AHNAK: variants seen among roughly 807,000 people sequenced by gnomAD.
AHNAK encodes the protein AHNAK nucleoprotein, also known as neuroblast differentiation-associated protein AHNAK.
In AHNAK, 23 loss-of-function variants were observed where a neutral mutation model predicts 37.8. That is an observed-to-expected ratio of 0.61 (90% confidence interval 0.44 to 0.86). AHNAK has a LOEUF of 0.86. AHNAK is among the 40% of genes least tolerant of loss of function. The probability of loss-of-function intolerance (pLI) is 0.00; values close to 1 mark genes in which losing one functional copy is unlikely to be tolerated. For missense variants in AHNAK, 7,411 were observed against 7,319.4 expected, an observed-to-expected ratio of 1.01 and a Z score of -0.46; for synonymous variants, 2,481 against 2,636.3, an observed-to-expected ratio of 0.94 and a Z score of 1.80.
chr11:62,536,977 CAG>C, intron 1 of AHNAK, among the ~76,000 whole-genome samples: 1 of 150,028 alleles, frequency 6.7e-6, no homozygotes, highest in East Asian at 1.9e-4. Context: ...TTTTTTGAGA[CAG>C]AGTCTCGTTC....
chr11:62,504,036 C>T (rs1939761475), intron 4 of AHNAK, among the ~76,000 whole-genome samples: 1 of 151,988 alleles, frequency 6.6e-6, no homozygotes, highest in South Asian at 2.1e-4. Context: ...TGGTGCGCAC[C>T]TGTAATCCCA....
At position 62,535,998 on chromosome 11, in the gene AHNAK, A is replaced by C; in HGVS notation, c.101T>G (p.Val34Gly). The change falls in exon 3 of 5, where the codon GTG becomes GGG. Residue 34 changes from valine to glycine, a missense_variant. Physicochemically the swap from Val to Gly is moderately radical, Grantham distance 109. Transcript: ENST00000378024. ...TIAQRDDGVF[V>G]QEVTQNSPAA... ...AGGGGAGTTCTGCGTCACCTCCTGCACAAAGACGCCGTCGTCCCTCTGGGC... is the reference window on the plus strand; with the variant it reads ...AGGGGAGTTCTGCGTCACCTCCTGCCCAAAGACGCCGTCGTCCCTCTGGGC... 6.2e-7 allele frequency: 1 copy of C among 1,613,046 alleles called. No homozygotes were observed. The highest frequency in any genetic ancestry group is 8.5e-7 in the Non-Finnish European group (1 of 1,179,594).
chr11:62,475,830 C>T (rs980235510), intron 5 of AHNAK, among the ~76,000 whole-genome samples: 6 of 151,750 alleles, frequency 4.0e-5, no homozygotes, highest in African/African-American at 1.5e-4. Flanking sequence ...GTCTCGAGCT[C>T]CTGACCTCAG....
rs756539234 is a variant in AHNAK, at chr11:62,516,791, T to A, written c.17626A>T (p.Ile5876Phe). 1.2e-6 allele frequency: 2 copies of A among 1,613,798 alleles called. No individual in the cohort carries two copies. Among genetic ancestry groups the A allele is most frequent in the Non-Finnish European group, 1.7e-6 (2 of 1,179,880 alleles). Reference sequence around the variant, plus strand: ...GACAGCTCCACCTCGGGAAGCTGGATGCCAACCTTATTCCCACTGTCATTG... The same window carrying A: ...GACAGCTCCACCTCGGGAAGCTGGAAGCCAACCTTATTCCCACTGTCATTG... ...SSNDSGNKVG[I>F]QLPEVELSVS... The change falls in exon 5 of 5, where the codon ATC becomes TTC. Residue 5876 changes from isoleucine (I) to phenylalanine (F), a missense_variant. Coordinates refer to ENST00000378024, the MANE Select transcript of AHNAK (RefSeq NM_001620.3).
At chr11:62,510,615 A>C (rs1292737502) in intron 4 of AHNAK, among the ~76,000 whole-genome samples, 3 of 151,980 alleles carry the variant, frequency 2.0e-5, no homozygotes, top group African/African-American at 4.8e-5. Flanking sequence ...ATGATGGCAC[A>C]AACCTGTAAT....
Position 62,517,185 on chromosome 11 carries a change from T to G in AHNAK, c.17232A>C (p.Lys5744Asn), listed in dbSNP as rs1239550860. 6.2e-7 allele frequency: 1 copy of G among 1,613,974 alleles called. No homozygotes were observed. Among genetic ancestry groups the G allele is most frequent in the Non-Finnish European group, 8.5e-7 (1 of 1,180,042 alleles). The change falls in exon 5 of 5, where the codon AAA (lysine) becomes AAC (asparagine). Residue 5744 changes from lysine (K) to asparagine (N), a missense_variant. Coordinates refer to ENST00000378024, the MANE Select transcript of AHNAK (RefSeq NM_001620.3). ...ASISGSKGDL[K>N]SSKASLGSLE... is the part of the protein sequence containing the mutation. ...GAGAGCCCAGGCTGGCCTTTGAACT[T>G]TTCAGGTCACCTTTGGACCCAGAAA...
In AHNAK at chr11:62,533,836, T is replaced by C. The variant is rs372303390; in HGVS notation, c.581A>G (p.Asn194Ser). The C allele has an allele frequency of 3.0e-5, 49 of 1,613,942 alleles. No homozygotes were observed. In the African/African-American group the frequency reaches 3.5e-4, roughly 11 times the overall value. The change falls in exon 5 of 5, where the codon AAT becomes AGT. Residue 194 changes from asparagine to serine, a missense_variant. By Grantham distance (46) the Asn-to-Ser change is conservative (BLOSUM62 1). Transcript: ENST00000378024. The stretch of plus-strand genomic sequence containing the variant: ...CCCAGACTGGGTCTCCACATCCACA[T>C]TGGAGATTTCAGTCAGTTCATGTCT... ...IPRHELTEISNVDVETQSGKT... is the reference protein window; with the variant it reads ...IPRHELTEISSVDVETQSGKT...
Position 62,516,874 on chromosome 11 carries a change from A to G in AHNAK, c.17543T>C (p.Leu5848Ser). Residue 5848 changes from leucine to serine, a missense_variant, in exon 5 of 5, where the codon TTA (leucine) becomes TCA (serine). Physicochemically the swap from Leu to Ser is moderately radical, Grantham distance 145. Coordinates refer to ENST00000378024, the MANE Select transcript of AHNAK (RefSeq NM_001620.3). ...GGCCAGGGACACCCCACTCCCCTGT[A>G]ACTTGCCTGTCTCATCATCGCTCCC... ...VTGSDDETGK[L>S]QGSGVSLASK... 6.2e-7 allele frequency: 1 copy of G among 1,614,136 alleles called. No individual in the cohort carries two copies. The highest frequency in any genetic ancestry group is 8.5e-7 in the Non-Finnish European group (1 of 1,180,026).
At chr11:62,543,632 C>T (rs1056873059) in intron 1 of AHNAK, among the ~76,000 whole-genome samples, 1 of 152,224 alleles carries the variant, frequency 6.6e-6, no homozygotes, top group Non-Finnish European at 1.5e-5. Flanking sequence ...ACCCACGTGC[C>T]CCCCACACTC....
chr11:62,510,229 G>A (rs190377025), intron 4 of AHNAK, among the ~76,000 whole-genome samples: 7,062 of 151,530 alleles, frequency 0.047, 243 homozygotes, highest in Non-Finnish European at 0.072. Context: ...ATTTTTAGTA[G>A]AGATGGGGTT....
At chr11:62,434,793 G>A (rs903384410) in intron 5 of AHNAK, among the ~76,000 whole-genome samples, 4 of 151,960 alleles carry the variant, frequency 2.6e-5, no homozygotes, top group African/African-American at 7.3e-5. Flanking sequence ...TTAGCCGGGT[G>A]TGGTGGCACA....
rs369780132 is a variant in AHNAK at position 62,446,186 on chromosome 11, C to T, written c.443-12295G>A. ...GGGAAGGGAGAAGAAGAGCTGCCAA[C>T]CCACCCCTCTGCAGATGAGGTCACA... On this transcript the variant is annotated intron_variant, in intron 5 of 5. Coordinates refer to the AHNAK transcript ENST00000257247. 4.7e-4 allele frequency among the ~76,000 whole-genome samples: 71 copies of T among 152,136 alleles called. 1 individual carries two copies. The South Asian group carries it at 0.014, about 31-fold the overall frequency.
In AHNAK at chr11:62,516,959, G is replaced by A; in HGVS notation, c.17458C>T (p.Leu5820=). 6.2e-7 allele frequency: 1 copy of A among 1,614,162 alleles called. No individual in the cohort carries two copies. The highest frequency in any genetic ancestry group is 8.5e-7 in the Non-Finnish European group (1 of 1,180,014). Residue 5820 remains leucine, a synonymous_variant, in exon 5 of 5, where the codon CTG becomes TTG. Coordinates refer to ENST00000378024, the MANE Select transcript of AHNAK (RefSeq NM_001620.3). ...AATCCACCAAAGGTACCGAATTTCA[G>A]CTTCCCGTGTTTCCCTTTAACTTTC... ...GGKVKGKHGK[L]KFGTFGGLGS... is the part of the protein sequence containing the mutation.
chr11:62,460,182 G>A (rs1438117461), intron 5 of AHNAK, among the ~76,000 whole-genome samples: 2 of 152,012 alleles, frequency 1.3e-5, no homozygotes, highest in Non-Finnish European at 2.9e-5. Flanking sequence ...AGCTACTCGG[G>A]AGGCTGAGGC....
chr11:62,444,914 G>T (rs758215633), intron 5 of AHNAK, among the ~76,000 whole-genome samples: 3 of 151,168 alleles, frequency 2.0e-5, no homozygotes, highest in Admixed American at 6.6e-5. Context: ...GGGCAGGACC[G>T]ATCTGATGGA....
At chr11:62,444,156 G>T (rs1321256553) in intron 5 of AHNAK, among the ~76,000 whole-genome samples, 1 of 152,178 alleles carries the variant, frequency 6.6e-6, no homozygotes, top group East Asian at 1.9e-4. Context: ...TAACAACCCT[G>T]GCGATAACAC....
downstream of AHNAK, among the ~76,000 whole-genome samples, chr11:62,513,160 A>G (rs1477107526): frequency 1.3e-5 from 2 of 152,172 alleles, no homozygotes; most frequent in Non-Finnish European, 2.9e-5. Context: ...GCCCCTTCCC[A>G]GTCTCCTGAC....
chr11:62,523,437 C>T lies in AHNAK; in HGVS notation c.10980G>A (p.Lys3660=). Residue 3660 remains lysine, a synonymous_variant, in exon 5 of 5, where the codon AAG becomes AAA. Coordinates refer to ENST00000378024, the MANE Select transcript of AHNAK (RefSeq NM_001620.3). ...PDAKLKGPKF[K]MPEMNIKAPK... ...GGGCTTTGATGTTCATCTCAGGCATCTTGAACTTGGGGCCCTTCAGCTTTG... is the reference window on the plus strand; with the variant it reads ...GGGCTTTGATGTTCATCTCAGGCATTTTGAACTTGGGGCCCTTCAGCTTTG... 2 of 1,612,956 alleles carry T rather than the reference C, an allele frequency of 1.2e-6. No individual in the cohort carries two copies. The highest frequency in any genetic ancestry group is 2.2e-5 in the East Asian group (1 of 44,832).
At chr11:62,498,363 T>G (rs1334295993) in intron 4 of AHNAK, among the ~76,000 whole-genome samples, 1 of 152,068 alleles carries the variant, frequency 6.6e-6, no homozygotes, top group African/African-American at 2.4e-5. Context: ...TGTATTGTTT[T>G]AATTTTTTAC....
Sources: allele counts gnomAD v4.1 joint callset (sites outside exome capture counted in the v4.1 genomes callset), GRCh38; gene constraint gnomAD v4.1.1; transcripts MANE v1.5; gene names NCBI Gene and HGNC (gene_info 2026-07-23, HGNC 2026-07-21).